Variants in DISC1 observed in about 807,000 individuals in gnomAD.
DISC1 encodes disrupted in schizophrenia 1 protein.
Under a neutral mutation model 84.5 loss-of-function variants are expected in DISC1, and 57 were observed. The ratio of observed to expected loss-of-function variants is 0.67; its 90% CI spans 0.55 to 0.84. The LOEUF (loss-of-function observed/expected upper bound fraction) is 0.84. DISC1 is among the 40% of genes least tolerant of loss of function. DISC1 has a pLI of 0.00. For missense variants in DISC1, 1,000 were observed against 1,057.8 expected, an observed-to-expected ratio of 0.95 and a Z score of 0.76; for synonymous variants, 411 against 415.2, an observed-to-expected ratio of 0.99 and a Z score of 0.12.
intron 1 of DISC1, among the ~76,000 whole-genome samples, chr1:231,678,982 C>T (rs1190662619): frequency 6.6e-6 from 1 of 152,174 alleles, no homozygotes; most frequent in East Asian, 1.9e-4. Context: ...GGCCACGTTG[C>T]TCTGTCTCTT....
Position 231,897,780 on chromosome 1 carries a change from GCT to G in DISC1, c.1982-61045_1982-61044del, listed in dbSNP as rs1296005893. Reference sequence around the variant, plus strand: ...ACAGATAGAGCTTTGTCTGTCATTTGCTCTTTTTGGGTTAGCTTAAGCTAGGG... The same window carrying G: ...ACAGATAGAGCTTTGTCTGTCATTTGCTTTTTGGGTTAGCTTAAGCTAGGG... On this transcript the variant is annotated intron_variant, in intron 9 of 12. Coordinates refer to ENST00000439617, the MANE Select transcript of DISC1 (RefSeq NM_018662.3). The surrounding 1 kb of genome is among the most constrained non-coding windows in gnomAD (Gnocchi z 4.5). Among the ~76,000 whole-genome samples the G allele has an allele frequency of 4.6e-5, 7 of 152,134 alleles. No individual in the cohort carries two copies. The highest frequency in any genetic ancestry group is 4.4e-5 in the Non-Finnish European group (3 of 68,022).
intron 1 of DISC1, among the ~76,000 whole-genome samples, chr1:231,687,179 T>G (rs1426596313): frequency 1.3e-5 from 2 of 152,214 alleles, no homozygotes; most frequent in East Asian, 3.8e-4. Flanking sequence ...CCAAAGTTGC[T>G]TCCACATTTT....
intron 3 of DISC1, among the ~76,000 whole-genome samples, chr1:231,747,346 G>C (rs1184898174): frequency 2.0e-5 from 3 of 152,044 alleles, no homozygotes; most frequent in African/African-American, 7.2e-5. Flanking sequence ...TGTTTTCCCA[G>C]GCTCATGTCC....
intron 10 of DISC1, among the ~76,000 whole-genome samples, chr1:231,972,704 A>G (rs1662174180): frequency 6.6e-6 from 1 of 152,250 alleles, no homozygotes; most frequent in Non-Finnish European, 1.5e-5. Context: ...AATCACAGCC[A>G]CTAGACCTCA....
chr1:231,647,245 G>T (rs1203174268), intron 1 of DISC1, among the ~76,000 whole-genome samples: 3 of 152,170 alleles, frequency 2.0e-5, no homozygotes, highest in Non-Finnish European at 2.9e-5. Context: ...TTTGTATAAG[G>T]TGTAAGGAGG....
chr1:231,866,420 T>C, intron 9 of DISC1: 1 of 685,410 alleles, frequency 1.5e-6, no homozygotes. Flanking sequence ...CTTTGATTTA[T>C]TAAAAAAAAT....
intron 9 of DISC1, among the ~76,000 whole-genome samples, chr1:231,836,277 G>A (rs1262798648): frequency 6.6e-6 from 1 of 152,086 alleles, no homozygotes; most frequent in Non-Finnish European, 1.5e-5. Flanking sequence ...GAGGCGTGCT[G>A]TTATTTCATA....
rs1244138460 is a variant in DISC1 at position 231,748,982 on chromosome 1, C to T, written c.1118-944C>T. 2.6e-5 allele frequency among the ~76,000 whole-genome samples: 4 copies of T among 152,182 alleles called. No homozygotes were observed. The East Asian group carries it at 5.8e-4, about 22-fold the overall frequency. Reference sequence around the variant, plus strand: ...CTTTTGCAAGGACTGTAGGTGTTTGCTCTGTCAATAGGAGTTGATGAGGTC... The same window carrying T: ...CTTTTGCAAGGACTGTAGGTGTTTGTTCTGTCAATAGGAGTTGATGAGGTC... On this transcript the variant is annotated intron_variant, in intron 3 of 12. Transcript: ENST00000439617.
chr1:231,776,508 G>A (rs1224650574), intron 6 of DISC1, among the ~76,000 whole-genome samples: 2 of 152,182 alleles, frequency 1.3e-5, no homozygotes, highest in East Asian at 1.9e-4. Flanking sequence ...GGAGCCTCGC[G>A]GCAGGGCTGG....
chr1:231,837,635 T>C (rs932635299), intron 9 of DISC1, among the ~76,000 whole-genome samples: 2 of 152,224 alleles, frequency 1.3e-5, no homozygotes, highest in African/African-American at 4.8e-5. Flanking sequence ...CATGAAAGTA[T>C]GGAAACTGTT....
chr1:231,759,722 G>A (rs2075483180), intron 4 of DISC1, among the ~76,000 whole-genome samples: 1 of 151,832 alleles, frequency 6.6e-6, no homozygotes, highest in African/African-American at 2.4e-5. Context: ...AAAAATATTT[G>A]TTATTACCAA....
At chr1:231,676,420 C>T (rs926195767) in intron 1 of DISC1, among the ~76,000 whole-genome samples, 1 of 152,192 alleles carries the variant, frequency 6.6e-6, no homozygotes, top group Non-Finnish European at 1.5e-5. Flanking sequence ...CCAGCCTCCA[C>T]TTCTACACAT....
In DISC1 at chr1:231,951,428, C is replaced by T. The variant is rs73099037; in HGVS notation, c.1982-7400C>T. ...AAAATGATATGACATGAAATGCCTG[C>T]TATTCTAAAACACAAATCTTATTTT... On this transcript the variant is annotated intron_variant, in intron 9 of 12. Transcript: ENST00000439617. Among the ~76,000 whole-genome samples, 367 of 152,284 alleles carry T rather than the reference C, an allele frequency of 2.4e-3. 3 individuals are homozygous for T. The highest frequency in any genetic ancestry group is 8.6e-3 in the African/African-American group (359 of 41,570).
At chr1:231,769,948 C>T (rs759223234) in intron 5 of DISC1, among the ~76,000 whole-genome samples, 1 of 152,108 alleles carries the variant, frequency 6.6e-6, no homozygotes, top group African/African-American at 2.4e-5. Flanking sequence ...AGTAGACATT[C>T]TTTAGTAACT....
At chr1:232,016,648 G>A (rs957812040) in intron 11 of DISC1, among the ~76,000 whole-genome samples, 1 of 152,148 alleles carries the variant, frequency 6.6e-6, no homozygotes, top group Admixed American at 6.5e-5. Flanking sequence ...ATTAACATAT[G>A]CCAATTAGCA....
At chr1:231,724,586 C>A (rs949873003) in intron 3 of DISC1, among the ~76,000 whole-genome samples, 28 of 152,116 alleles carry the variant, frequency 1.8e-4, no homozygotes, top group Admixed American at 1.1e-3. Flanking sequence ...CAAAGGCAGT[C>A]TCTCTTTTCT....
intron 9 of DISC1, among the ~76,000 whole-genome samples, chr1:231,877,365 A>G (rs1408593583): frequency 6.6e-6 from 1 of 152,256 alleles, no homozygotes; most frequent in Admixed American, 6.5e-5. Context: ...GAATCAACAT[A>G]AGTGTAATGG....
chr1:231,997,205 G>A (rs905988703), intron 10 of DISC1, among the ~76,000 whole-genome samples: 16 of 152,174 alleles, frequency 1.1e-4, no homozygotes, highest in Admixed American at 7.9e-4. Context: ...CACTCAGGGT[G>A]CACATACTCT....
chr1:231,758,716 T>A (rs2075369275), intron 4 of DISC1, among the ~76,000 whole-genome samples: 2 of 152,204 alleles, frequency 1.3e-5, no homozygotes, highest in African/African-American at 4.8e-5. Context: ...GTGTCTTCCA[T>A]CCAATCAAAG....
Sources: gnomAD v4.1 joint callset for allele counts (sites outside exome capture counted in the v4.1 genomes callset) on GRCh38, gnomAD v4.1.1 for gene constraint, Gnocchi (gnomAD v3.1) non-coding constraint, MANE v1.5 for transcripts, NCBI Gene and HGNC (gene_info 2026-07-23, HGNC 2026-07-21) for gene names.